The following AGTRAP variants were observed in gnomAD, a reference collection of about 807,000 sequenced individuals.
The protein encoded by AGTRAP is angiotensin II receptor associated protein.
Under a neutral mutation model 15.2 loss-of-function variants are expected in AGTRAP, and 7 were observed. The observed-to-expected ratio is 0.46, with a 90% CI of 0.26 to 0.87. The LOEUF is 0.87. Ranked by LOEUF, AGTRAP falls within the 40% of genes least tolerant of loss-of-function variation. The pLI is 0.15. For synonymous variants in AGTRAP, 74 were observed against 89.6 expected (o/e 0.83, Z 0.98); for missense variants, 187 against 213.4 (o/e 0.88, Z 0.77).
Position 11,747,535 on chromosome 1 carries a change from C to A in AGTRAP, c.158C>A (p.Ala53Asp). The A allele has an allele frequency of 6.2e-7, 1 of 1,613,964 alleles. No homozygotes were observed. Among genetic ancestry groups the A allele is most frequent in the Non-Finnish European group, 8.5e-7 (1 of 1,179,976 alleles). The change falls in exon 3 of 5, where the codon GCC (alanine) becomes GAC (aspartate). Residue 53 changes from alanine to aspartate, a missense_variant. Coordinates refer to ENST00000314340, the MANE Select transcript of AGTRAP (RefSeq NM_020350.5). ...GTGGCTCAGCGGGACTCCATCGACG[C>A]CATAAGCATGGTGAGCCAGGGTGGG... is the stretch of plus-strand genomic sequence containing the variant. ...WAVAQRDSID[A>D]ISMFLGGLLA...
intron 1 of AGTRAP, among the ~76,000 whole-genome samples, chr1:11,739,729 A>T (rs1262041046): frequency 6.6e-6 from 1 of 151,994 alleles, no homozygotes; most frequent in Non-Finnish European, 1.5e-5. Context: ...GATGCATGGC[A>T]GGCTGGTGCT....
chr1:11,746,409 T>C, intron 2 of AGTRAP: 1 of 576,212 alleles, frequency 1.7e-6, no homozygotes, highest in Non-Finnish European at 3.1e-6. Flanking sequence ...CGAATGGCAC[T>C]CCACACCTGC....
Position 11,750,329 on chromosome 1 carries a change from G to A in AGTRAP, c.*137G>A, listed in dbSNP as rs1642288547. 1.2e-6 allele frequency: 1 copy of A among 842,572 alleles called. No homozygotes were observed. Among genetic ancestry groups the A allele is most frequent in the South Asian group, 1.4e-5 (1 of 70,270 alleles). The allele number at this position is 842,572 out of a possible 1,614,324, so 52.2% of individuals were successfully genotyped here. Reference sequence around the variant, plus strand: ...GCTCAGGGATTGCCTGAACCAAGAGGCCAGGAGCCCCCATGGGCCGCCCAG... The same window carrying A: ...GCTCAGGGATTGCCTGAACCAAGAGACCAGGAGCCCCCATGGGCCGCCCAG... On this transcript the variant is annotated 3_prime_UTR_variant, in exon 5 of 5. Coordinates refer to ENST00000314340, the MANE Select transcript of AGTRAP (RefSeq NM_020350.5).
At position 11,745,384 on chromosome 1, in the gene AGTRAP, C is replaced by T. The variant is rs1266738444; in HGVS notation, c.28-419C>T. Among the ~76,000 whole-genome samples, 4 of 152,160 alleles carry T rather than the reference C, an allele frequency of 2.6e-5. No homozygotes were observed. The highest frequency in any genetic ancestry group is 4.4e-5 in the Non-Finnish European group (3 of 68,032). Reference sequence around the variant, plus strand: ...GCTTCTTTACTGTAACCCGTTTTGTCAGCAAGGTCTTTATGACCTGTACCT... The same window carrying T: ...GCTTCTTTACTGTAACCCGTTTTGTTAGCAAGGTCTTTATGACCTGTACCT... On this transcript the variant is annotated intron_variant, in intron 1 of 4. Transcript: ENST00000314340. This position sits in a 1 kb window ranked among gnomAD's most constrained non-coding sequence, Gnocchi z 4.2.
In AGTRAP at chr1:11,736,155, G is replaced by T; in HGVS notation, c.-54G>T. On this transcript the variant is annotated 5_prime_UTR_variant, in exon 1 of 5. Transcript: ENST00000314340. The stretch of plus-strand genomic sequence containing the variant: ...CCGGGCAAGTTTGTTCCCCGAGTTC[G>T]GAGCCTAGGAGCCCCCCGCGGCTGC... 3 of 1,573,902 alleles carry T rather than the reference G, an allele frequency of 1.9e-6. No homozygotes were observed. The highest frequency in any genetic ancestry group is 2.6e-6 in the Non-Finnish European group (3 of 1,160,162).
rs1642136374 is a variant in AGTRAP at position 11,745,374 on chromosome 1, C to G, written c.28-429C>G. Among the ~76,000 whole-genome samples, 1 of 152,162 alleles carries G rather than the reference C, an allele frequency of 6.6e-6. No homozygotes were observed. The highest frequency in any genetic ancestry group is 2.4e-5 in the African/African-American group (1 of 41,434). On this transcript the variant is annotated intron_variant, in intron 1 of 4. Coordinates refer to ENST00000314340, the MANE Select transcript of AGTRAP (RefSeq NM_020350.5). This position sits in a 1 kb window ranked among gnomAD's most constrained non-coding sequence, Gnocchi z 4.2. ...GTTTTAGCCGGCTTCTTTACTGTAA[C>G]CCGTTTTGTCAGCAAGGTCTTTATG...
intron 2 of AGTRAP, 42 bp from the exon 3 acceptor site, chr1:11,747,398 G>A (rs375235317): frequency 1.7e-5 from 27 of 1,571,612 alleles, no homozygotes; most frequent in Admixed American, 3.3e-5. Flanking sequence ...TGACCTGCGG[G>A]GTGGTGGCCT....
chr1:11,749,945 C>CCTCTGT (rs1375654852), intron 4 of AGTRAP, 132 bp from the exon 5 acceptor site: 2 of 660,276 alleles, frequency 3.0e-6, no homozygotes. Flanking sequence ...GGGGCTGCTG[C>CCTCTGT]CTCTGTCTCT....
chr1:11,742,525 TCTTTCTTTC>T (rs1642058766), intron 1 of AGTRAP, among the ~76,000 whole-genome samples: 2 of 152,044 alleles, frequency 1.3e-5, no homozygotes, highest in South Asian at 4.2e-4. Flanking sequence ...TTCTTTCTTT[TCTTTCTTTC>T]CTTACTTTCT....
chr1:11,739,530 C>T (rs974541046), intron 1 of AGTRAP, among the ~76,000 whole-genome samples: 3 of 152,102 alleles, frequency 2.0e-5, no homozygotes, highest in Admixed American at 1.3e-4. Flanking sequence ...CCAGCCTGGG[C>T]GACAGAGCAA....
intron 1 of AGTRAP, among the ~76,000 whole-genome samples, chr1:11,743,628 G>A (rs987815118): frequency 2.7e-5 from 4 of 146,606 alleles, no homozygotes; most frequent in African/African-American, 5.1e-5. Flanking sequence ...GTACAATGGC[G>A]CGATCTCGGC....
intron 1 of AGTRAP, among the ~76,000 whole-genome samples, chr1:11,741,750 G>C (rs1226174730): frequency 1.3e-5 from 2 of 152,172 alleles, no homozygotes; most frequent in African/African-American, 2.4e-5. Flanking sequence ...AGGATTTAGT[G>C]CATTTATATA....
chr1:11,748,404 G>A lies in AGTRAP; in HGVS notation c.169-11G>A. ...GGGGTGTTGTGCTCATCAGTGTGGT[G>A]TGTCTTGCAGTTTCTGGGTGGCTTG... On this transcript the variant is annotated splice_polypyrimidine_tract_variant and intron_variant, in intron 3 of 4. Coordinates refer to ENST00000314340, the MANE Select transcript of AGTRAP (RefSeq NM_020350.5). 6.2e-7 allele frequency: 1 copy of A among 1,611,748 alleles called. No individual in the cohort carries two copies. The highest frequency in any genetic ancestry group is 8.5e-7 in the Non-Finnish European group (1 of 1,178,762).
Position 11,744,407 on chromosome 1 carries a change from G to T in AGTRAP, c.28-1396G>T, listed in dbSNP as rs575045167. On this transcript the variant is annotated intron_variant, in intron 1 of 4. Transcript: ENST00000314340. ...TAGAAAAGTCTCAGTGGTGTCCCTCGTTGCACTTGGCATGAAGCCCACGCT... is the reference window on the plus strand; with the variant it reads ...TAGAAAAGTCTCAGTGGTGTCCCTCTTTGCACTTGGCATGAAGCCCACGCT... The T allele has an allele frequency of 6.3e-4, 364 of 575,324 alleles. 1 individual carries two copies. Among genetic ancestry groups the T allele is most frequent in the Non-Finnish European group, 9.4e-4 (290 of 309,792 alleles). 35.6% of individuals were successfully genotyped at this position (575,324 alleles called of 1,614,324 possible). A position where few individuals can be genotyped will look rare whatever the true frequency, so the allele number is the denominator to read the frequency against.
In AGTRAP at chr1:11,736,198, C is replaced by G. The variant is rs1319060166; in HGVS notation, c.-11C>G. 1.2e-6 allele frequency: 2 copies of G among 1,604,204 alleles called. No individual in the cohort carries two copies. Among genetic ancestry groups the G allele is most frequent in the Non-Finnish European group, 8.5e-7 (1 of 1,176,436 alleles). ...GCGGCTGCGGCGCAGGTGCCCTCGG[C>G]CTGAGTCGGGATGGAGCTGCCTGCT... On this transcript the variant is annotated 5_prime_UTR_variant, in exon 1 of 5. Coordinates refer to ENST00000314340, the MANE Select transcript of AGTRAP (RefSeq NM_020350.5).
At chr1:11,742,507 TTCTC>T (rs539775328) in intron 1 of AGTRAP, among the ~76,000 whole-genome samples, 77 of 151,862 alleles carry the variant, frequency 5.1e-4, no homozygotes, top group Non-Finnish European at 8.7e-4. Flanking sequence ...TTCCTTCTCT[TTCTC>T]TCTTTCTTTC....
chr1:11,744,322 A>C (rs562847896), intron 1 of AGTRAP, among the ~76,000 whole-genome samples: 1 of 152,164 alleles, frequency 6.6e-6, no homozygotes, highest in Non-Finnish European at 1.5e-5. Flanking sequence ...CCAGAAAAAT[A>C]GCCAGGGGGA....
In AGTRAP at chr1:11,750,358, C is replaced by G. The variant is rs747073867; in HGVS notation, c.*166C>G. ...GGAGCCCCCATGGGCCGCCCAGTACCATGCACACTCCTGTCCCGAACTCCC... is the reference window on the plus strand; with the variant it reads ...GGAGCCCCCATGGGCCGCCCAGTACGATGCACACTCCTGTCCCGAACTCCC... On this transcript the variant is annotated 3_prime_UTR_variant, in exon 5 of 5. Coordinates refer to ENST00000314340, the MANE Select transcript of AGTRAP (RefSeq NM_020350.5). The G allele has an allele frequency of 2.9e-6, 2 of 698,592 alleles. No homozygotes were observed. Among genetic ancestry groups the G allele is most frequent in the Non-Finnish European group, 5.1e-6 (2 of 388,948 alleles). 43.3% of individuals were successfully genotyped at this position (698,592 alleles called of 1,614,324 possible).
intron 4 of AGTRAP, 102 bp from the exon 5 acceptor site, chr1:11,749,975 C>T: frequency 1.2e-6 from 1 of 862,240 alleles, no homozygotes; most frequent in Non-Finnish European, 1.9e-6. Context: ...GTCAGGATGC[C>T]CAGCCCGAGG....
Sources: gnomAD v4.1 joint callset for allele counts (sites outside exome capture counted in the v4.1 genomes callset) on GRCh38, gnomAD v4.1.1 for gene constraint, Gnocchi (gnomAD v3.1) non-coding constraint, MANE v1.5 for transcripts, NCBI Gene and HGNC (gene_info 2026-07-23, HGNC 2026-07-21) for gene names.